ARHGAP33: variants seen among roughly 807,000 people sequenced by gnomAD.
ARHGAP33 encodes the protein Rho GTPase activating protein 33.
ARHGAP33 carries 57 observed loss-of-function variants against 126.2 expected under a neutral mutation model. The observed-to-expected ratio is 0.45, with a 90% CI of 0.36 to 0.56. The LOEUF is 0.56. Ranked by LOEUF, ARHGAP33 falls within the 20% of genes least tolerant of loss-of-function variation. The pLI, the probability that ARHGAP33 is intolerant of heterozygous loss-of-function variation, is 0.00. For missense variants in ARHGAP33, 1,500 were observed against 1,748.3 expected (o/e 0.86, Z 2.53); for synonymous variants, 711 against 755.0 (o/e 0.94, Z 0.95).
Position 35,781,231 on chromosome 19 carries a change from C to T in ARHGAP33, c.1064C>T (p.Ser355Phe). Residue 355 changes from serine to phenylalanine, a missense_variant, in exon 12 of 21, where the codon TCT (serine) becomes TTT (phenylalanine). By Grantham distance (155) the Ser-to-Phe change is radical. This residue lies in a region of ARHGAP33 where 281 missense variants were observed against 413.7 expected (regional missense o/e 0.68). Transcript: ENST00000007510. ...VDGIYRLSGV[S>F]SNIQRLRHEF... ...GGGATCTACCGGCTCTCAGGCGTGTCTTCCAACATCCAGAGGCTTCGGTGA... is the reference window on the plus strand; with the variant it reads ...GGGATCTACCGGCTCTCAGGCGTGTTTTCCAACATCCAGAGGCTTCGGTGA... The T allele has an allele frequency of 6.2e-7, 1 of 1,614,182 alleles. No individual in the cohort carries two copies. Among genetic ancestry groups the T allele is most frequent in the Non-Finnish European group, 8.5e-7 (1 of 1,180,030 alleles).
intron 5 of ARHGAP33, chr19:35,778,831 T>C: frequency 1.2e-6 from 1 of 811,484 alleles, no homozygotes. Flanking sequence ...AGGGTCACCA[T>C]GGTCATGCCA....
chr19:35,784,142 C>T (rs1183207215), intron 15 of ARHGAP33, 30 bp from the exon 16 acceptor site: 1 of 1,592,824 alleles, frequency 6.3e-7, no homozygotes, highest in African/African-American at 1.3e-5. Context: ...GCTCAAGGCA[C>T]CCAGCCTCCC....
chr19:35,782,414 C>G lies in ARHGAP33; in HGVS notation c.1127C>G (p.Pro376Arg). 1 of 1,612,500 alleles carries G rather than the reference C, an allele frequency of 6.2e-7. No homozygotes were observed. The highest frequency in any genetic ancestry group is 8.5e-7 in the Non-Finnish European group (1 of 1,178,652). ...DSERIPELSG[P>R]AFLQDIHSVS... Reference sequence around the variant, plus strand: ...GAGAGGATCCCGGAGCTGTCTGGCCCTGCATTCCTGCAGGACATCCACAGC... The same window carrying G: ...GAGAGGATCCCGGAGCTGTCTGGCCGTGCATTCCTGCAGGACATCCACAGC... The change falls in exon 13 of 21, where the codon CCT becomes CGT. Residue 376 changes from proline to arginine, a missense_variant. Transcript: ENST00000007510. The surrounding 1 kb of genome is among the most constrained non-coding windows in gnomAD (Gnocchi z 4.1).
At position 35,780,961 on chromosome 19, in the gene ARHGAP33, A is replaced by G. The variant is rs773677089; in HGVS notation, c.871A>G (p.Thr291Ala). The G allele has an allele frequency of 1.2e-6, 2 of 1,609,762 alleles. No individual in the cohort carries two copies. Among genetic ancestry groups the G allele is most frequent in the South Asian group, 1.1e-5 (1 of 91,042 alleles). The change falls in exon 11 of 21, where the codon ACC (threonine) becomes GCC (alanine). Residue 291 changes from threonine to alanine, a missense_variant. Physicochemically the swap from Thr to Ala is moderately conservative, Grantham distance 58 (BLOSUM62 0). Coordinates refer to ENST00000007510, the MANE Select transcript of ARHGAP33 (RefSeq NM_001366178.1). Reference sequence around the variant, plus strand: ...TGGGAAGCTGGCCGGCCTGCTCCGCACCTTCATGCGCTCCCGCCCTTCTCG... The same window carrying G: ...TGGGAAGCTGGCCGGCCTGCTCCGCGCCTTCATGCGCTCCCGCCCTTCTCG... The part of the protein sequence containing the change: ...PRGKLAGLLR[T>A]FMRSRPSRQR...
intron 6 of ARHGAP33, 91 bp downstream of exon 6, chr19:35,779,215 A>ATGAAT: frequency 9.7e-7 from 1 of 1,026,166 alleles, no homozygotes; most frequent in Non-Finnish European, 1.4e-6. Context: ...TGGGCATAGA[A>ATGAAT]AAGAAAGGAG....
At chr19:35,779,573 G>T (rs975417331) in intron 6 of ARHGAP33, among the ~76,000 whole-genome samples, 6 of 152,110 alleles carry the variant, frequency 3.9e-5, no homozygotes, top group African/African-American at 1.4e-4. Context: ...GGGATTACAG[G>T]CATGTGCCAC....
intron 5 of ARHGAP33, 98 bp downstream of exon 5, chr19:35,778,699 G>A: frequency 6.9e-7 from 1 of 1,456,932 alleles, no homozygotes; most frequent in Non-Finnish European, 9.1e-7. Flanking sequence ...TTTAAATACT[G>A]GTATGGCCCA....
At chr19:35,784,600 G>A in intron 16 of ARHGAP33, 2 of 1,311,968 alleles carry the variant, frequency 1.5e-6, no homozygotes, top group Non-Finnish European at 1.9e-6. Flanking sequence ...GGAGGAGGTG[G>A]GAGGTCCCCA....
chr19:35,780,561 A>G (rs773398148), intron 8 of ARHGAP33, 21 bp from the exon 9 acceptor site: 2 of 1,613,606 alleles, frequency 1.2e-6, no homozygotes, highest in African/African-American at 2.7e-5. Context: ...TGGCCCAGCT[A>G]CTGACCCTGA....
At chr19:35,776,652 A>G (rs1475206510) in intron 1 of ARHGAP33, among the ~76,000 whole-genome samples, 2 of 152,220 alleles carry the variant, frequency 1.3e-5, no homozygotes, top group East Asian at 3.8e-4. Flanking sequence ...ATCAGGAACA[A>G]TCATGTCTGA....
intron 1 of ARHGAP33, 64 bp downstream of exon 1, chr19:35,775,728 G>C: frequency 7.1e-7 from 1 of 1,417,498 alleles, no homozygotes; most frequent in Non-Finnish European, 9.4e-7. Context: ...GCGCAGCCCC[G>C]CCCCGCGCGC....
chr19:35,778,172 C>A lies in ARHGAP33; in HGVS notation c.190-108C>A, dbSNP rs1158018893. 39 of 1,187,346 alleles carry A rather than the reference C, an allele frequency of 3.3e-5. No individual in the cohort carries two copies. In the Admixed American group the frequency reaches 7.2e-4, roughly 22 times the overall value. 73.6% of individuals were successfully genotyped at this position (1,187,346 alleles called of 1,614,324 possible). A position where few individuals can be genotyped will look rare whatever the true frequency, so the allele number is the denominator to read the frequency against. On this transcript the variant is annotated intron_variant, in intron 3 of 20. Coordinates refer to ENST00000007510, the MANE Select transcript of ARHGAP33 (RefSeq NM_001366178.1). ...GGACCAGGACATCACCAGGCCCTGT[C>A]CTCGGGGAGGTCCAGAAGGGAGTCA...
chr19:35,787,080 C>T lies in ARHGAP33; in HGVS notation c.2602+8C>T, dbSNP rs946467458. 1 of 1,600,864 alleles carries T rather than the reference C, an allele frequency of 6.2e-7. No individual in the cohort carries two copies. ...GAGCCCAGGGCCCACTCGGTGAGTC[C>T]TCAGCCTACCCCACCCCTGTCCCCG... On this transcript the variant is annotated splice_region_variant and intron_variant, in intron 20 of 20. Transcript: ENST00000007510.
rs578173245 is a variant in ARHGAP33 at position 35,787,383 on chromosome 19, G to T, written c.2818G>T (p.Gly940Cys). ...CCACCGCTCGCTGTCTCTGGAGGTG[G>T]GCGGGGAGCCCCTGGGGACCTCAGG... ...PFHRSLSLEV[G>C]GEPLGTSGSG... Residue 940 changes from glycine (G) to cysteine (C), a missense_variant, in exon 21 of 21, where the codon GGC (glycine) becomes TGC (cysteine). Gly to Cys is a radical substitution (Grantham distance 159, BLOSUM62 -3). Transcript: ENST00000007510. The T allele has an allele frequency of 6.2e-6, 10 of 1,609,302 alleles. No individual in the cohort carries two copies. The highest frequency in any genetic ancestry group is 7.6e-6 in the Non-Finnish European group (9 of 1,177,604).
rs1971860874 is a variant in ARHGAP33 at position 35,782,688 on chromosome 19, G to A, written c.1313+9G>A. On this transcript the variant is annotated intron_variant, in intron 14 of 20. Coordinates refer to ENST00000007510, the MANE Select transcript of ARHGAP33 (RefSeq NM_001366178.1). This position sits in a 1 kb window ranked among gnomAD's most constrained non-coding sequence, Gnocchi z 4.1. Reference sequence around the variant, plus strand: ...CCCCCACCACATTACAGGTAAACCAGGAGGGGCAGGGCGGGACTTGGTGGG... The same window carrying A: ...CCCCCACCACATTACAGGTAAACCAAGAGGGGCAGGGCGGGACTTGGTGGG... The A allele has an allele frequency of 6.2e-7, 1 of 1,611,870 alleles. No homozygotes were observed. Among genetic ancestry groups the A allele is most frequent in the Admixed American group, 1.7e-5 (1 of 59,682 alleles).
chr19:35,783,038 C>A, intron 15 of ARHGAP33, 169 bp downstream of exon 15: 1 of 607,928 alleles, frequency 1.6e-6, no homozygotes, highest in Non-Finnish European at 2.9e-6. Context: ...ATGGCCCTGT[C>A]CTCCTGGGAC....
intron 1 of ARHGAP33, among the ~76,000 whole-genome samples, 194 bp downstream of exon 1, chr19:35,775,858 G>A (rs1971427005): frequency 6.6e-6 from 1 of 150,510 alleles, no homozygotes; most frequent in African/African-American, 2.5e-5. Flanking sequence ...GCGCATCCCC[G>A]TCTTCCACGC....
chr19:35,786,690 T>C lies in ARHGAP33; in HGVS notation c.2220T>C (p.Phe740=). 7 of 1,535,622 alleles carry C rather than the reference T, an allele frequency of 4.6e-6. No individual in the cohort carries two copies. The highest frequency in any genetic ancestry group is 6.1e-6 in the Non-Finnish European group (7 of 1,146,714). Residue 740 remains phenylalanine, a synonymous_variant, in exon 20 of 21, where the codon TTT becomes TTC. Transcript: ENST00000007510. This position sits in a 1 kb window ranked among gnomAD's most constrained non-coding sequence, Gnocchi z 7.0. ...RCLEGLRGLD[F]DPLTFRCSSP... is the part of the protein sequence containing the mutation. Reference sequence around the variant, plus strand: ...TGGAGGGACTCCGGGGGCTGGACTTTGATCCCTTAACCTTCCGCTGCAGCA... The same window carrying C: ...TGGAGGGACTCCGGGGGCTGGACTTCGATCCCTTAACCTTCCGCTGCAGCA...
chr19:35,782,074 G>A lies in ARHGAP33; in HGVS notation c.1086-299G>A, dbSNP rs1276509166. Among the ~76,000 whole-genome samples the A allele has an allele frequency of 6.6e-6, 1 of 152,194 alleles. No individual in the cohort carries two copies. The highest frequency in any genetic ancestry group is 1.5e-5 in the Non-Finnish European group (1 of 68,018). On this transcript the variant is annotated intron_variant, in intron 12 of 20. Coordinates refer to ENST00000007510, the MANE Select transcript of ARHGAP33 (RefSeq NM_001366178.1). The surrounding 1 kb of genome is among the most constrained non-coding windows in gnomAD (Gnocchi z 4.1). ...GTGCCCTCTTACAGCCAGGAGAATG[G>A]CAGCTGCATGGTAGGAGCTGCTCAT...
Sources: allele counts gnomAD v4.1 joint callset (sites outside exome capture counted in the v4.1 genomes callset), GRCh38; gene constraint gnomAD v4.1.1; regional missense constraint gnomAD v4.1.1; non-coding constraint Gnocchi (gnomAD v3.1); transcripts MANE v1.5; gene names NCBI Gene and HGNC (gene_info 2026-07-23, HGNC 2026-07-21).